Variants in KIAA0930 observed in about 807,000 individuals in gnomAD.
The protein encoded by KIAA0930 is KIAA0930, also known as uncharacterized protein KIAA0930.
KIAA0930 carries 24 observed loss-of-function variants against 43.9 expected under a neutral mutation model. The ratio of observed to expected loss-of-function variants is 0.55; its 90% CI spans 0.40 to 0.77. The LOEUF is 0.77. Ranked by LOEUF, KIAA0930 falls within the 30% of genes least tolerant of loss-of-function variation. The pLI is 0.00. For missense variants in KIAA0930, 461 were observed against 574.2 expected, an observed-to-expected ratio of 0.80 and a Z score of 2.02; for synonymous variants, 259 against 216.4, an observed-to-expected ratio of 1.20 and a Z score of -1.73.
chr22:45,234,791 T>C (rs940226360), intron 1 of KIAA0930, among the ~76,000 whole-genome samples: 6 of 152,242 alleles, frequency 3.9e-5, no homozygotes, highest in African/African-American at 9.6e-5. Context: ...CATTTAATGT[T>C]TGGAGTCTGA....
chr22:45,237,131 C>A (rs1191047851), intron 1 of KIAA0930, among the ~76,000 whole-genome samples: 1 of 152,270 alleles, frequency 6.6e-6, no homozygotes, highest in Non-Finnish European at 1.5e-5. Context: ...TGTCCCCCTT[C>A]AGTCCAAATG....
intron 1 of KIAA0930, among the ~76,000 whole-genome samples, chr22:45,220,551 T>C (rs1263223335): frequency 6.6e-6 from 1 of 152,178 alleles, no homozygotes; most frequent in Non-Finnish European, 1.5e-5. Context: ...GAAGGAGCAT[T>C]CAATCAAATT....
intron 1 of KIAA0930, among the ~76,000 whole-genome samples, chr22:45,224,048 C>T (rs140308294): frequency 2.6e-5 from 4 of 152,184 alleles, no homozygotes; most frequent in Non-Finnish European, 5.9e-5. Flanking sequence ...TCATTAAGAA[C>T]CTTCTCAAAC....
chr22:45,223,187 T>TCA (rs1170299430), intron 1 of KIAA0930, among the ~76,000 whole-genome samples: 1 of 152,174 alleles, frequency 6.6e-6, no homozygotes, highest in Non-Finnish European at 1.5e-5. Context: ...TATAAGACAT[T>TCA]CACAGAACAG....
chr22:45,231,904 T>C (rs945214294), intron 1 of KIAA0930, among the ~76,000 whole-genome samples: 1 of 152,124 alleles, frequency 6.6e-6, no homozygotes, highest in Non-Finnish European at 1.5e-5. Context: ...GGCAGGAGAA[T>C]GGCGTGAACC....
intron 1 of KIAA0930, among the ~76,000 whole-genome samples, chr22:45,225,392 G>A (rs774636426): frequency 2.0e-5 from 3 of 152,136 alleles, no homozygotes; most frequent in Admixed American, 2.0e-4. Flanking sequence ...GGAAGCGTGG[G>A]GTCTCCACGT....
chr22:45,225,904 C>T (rs1477406758), intron 1 of KIAA0930, among the ~76,000 whole-genome samples: 1 of 152,262 alleles, frequency 6.6e-6, no homozygotes, highest in Non-Finnish European at 1.5e-5. Flanking sequence ...AGCGCCTGGT[C>T]TGCAGTCAGG....
chr22:45,214,012 G>GAAAT (rs1279240145), intron 1 of KIAA0930, among the ~76,000 whole-genome samples: 3 of 149,888 alleles, frequency 2.0e-5, no homozygotes, highest in Admixed American at 6.7e-5. Flanking sequence ...CTCCATCTCG[G>GAAAT]AAATAAATAA....
At position 45,205,908 on chromosome 22, in the gene KIAA0930, G is replaced by T; in HGVS notation, c.221C>A (p.Ala74Asp). ...SESGADGRKA[A>D]EPEVEVEVYR... ...CACCTCCACCTCCACCTCAGGCTCA[G>T]CTGCCTGCGAGGCCCAGAGCAGAAG... The change falls in exon 3 of 10, where the codon GCT (alanine) becomes GAT (aspartate). Residue 74 changes from alanine to aspartate, a missense_variant. Physicochemically the swap from Ala to Asp is moderately radical, Grantham distance 126. Transcript: ENST00000336156. The T allele has an allele frequency of 6.2e-7, 1 of 1,613,038 alleles. No individual in the cohort carries two copies.
chr22:45,228,850 CTTCA>C, intron 1 of KIAA0930, among the ~76,000 whole-genome samples: 1 of 104,098 alleles, frequency 9.6e-6, no homozygotes, highest in Admixed American at 8.7e-5. Flanking sequence ...AAAGATCCCT[CTTCA>C]CCCCCCAACC....
At chr22:45,222,657 A>G (rs1238100128) in intron 1 of KIAA0930, among the ~76,000 whole-genome samples, 1 of 123,434 alleles carries the variant, frequency 8.1e-6, no homozygotes, top group Non-Finnish European at 1.7e-5. Flanking sequence ...CCGCCCCCCC[A>G]CCACCACACA....
chr22:45,197,691 A>G, intron 9 of KIAA0930, 99 bp downstream of exon 9: 9 of 1,299,304 alleles, frequency 6.9e-6, no homozygotes, highest in Non-Finnish European at 8.8e-6. Flanking sequence ...CCGACAGGAC[A>G]GGGCGGGATG....
chr22:45,237,654 A>G lies in KIAA0930; in HGVS notation c.64+2986T>C, dbSNP rs765391051. On this transcript the variant is annotated intron_variant, in intron 1 of 9. Coordinates refer to ENST00000336156, the MANE Select transcript of KIAA0930 (RefSeq NM_001009880.2). The stretch of plus-strand genomic sequence containing the variant: ...TTTCTGAGTAACCCAAGCTTTTGCT[A>G]AACAACAACAAAAATCTGGGAGATT... 3.3e-5 allele frequency among the ~76,000 whole-genome samples: 5 copies of G among 152,230 alleles called. No individual in the cohort carries two copies. In the East Asian group the frequency reaches 5.8e-4, roughly 18 times the overall value.
intron 2 of KIAA0930, among the ~76,000 whole-genome samples, chr22:45,206,519 G>A (rs920085112): frequency 4.6e-5 from 7 of 152,190 alleles, no homozygotes; most frequent in South Asian, 2.1e-4. Context: ...AGCTCTTAGT[G>A]GACGGCGGGG....
intron 1 of KIAA0930, among the ~76,000 whole-genome samples, chr22:45,215,347 T>G (rs1374619707): frequency 6.6e-6 from 1 of 152,214 alleles, no homozygotes; most frequent in Admixed American, 6.5e-5. Flanking sequence ...AAGGGTGCAT[T>G]GAACTGGAAC....
chr22:45,198,365 TG>T (rs2083556230), intron 8 of KIAA0930, among the ~76,000 whole-genome samples: 2 of 152,350 alleles, frequency 1.3e-5, no homozygotes, highest in African/African-American at 4.8e-5. Flanking sequence ...CGGTCCAGGC[TG>T]GGGGAACCTG....
In KIAA0930 at chr22:45,196,892, C is replaced by A; in HGVS notation, c.*284G>T. The A allele has an allele frequency of 2.3e-6, 1 of 426,632 alleles. No homozygotes were observed. The allele number at this position is 426,632 out of a possible 1,614,324, so 26.4% of individuals were successfully genotyped here. A position where few individuals can be genotyped will look rare whatever the true frequency, so the allele number is the denominator to read the frequency against. Reference sequence around the variant, plus strand: ...TCCGCTCTCTCTCATGGCCGCTCGGCATCTCTAGTCCTCTTTGGGTGCAGA... The same window carrying A: ...TCCGCTCTCTCTCATGGCCGCTCGGAATCTCTAGTCCTCTTTGGGTGCAGA... On this transcript the variant is annotated 3_prime_UTR_variant, in exon 10 of 10. Coordinates refer to ENST00000336156, the MANE Select transcript of KIAA0930 (RefSeq NM_001009880.2). The surrounding 1 kb of genome is among the most constrained non-coding windows in gnomAD (Gnocchi z 4.1).
At chr22:45,234,347 G>A (rs541454346) in intron 1 of KIAA0930, among the ~76,000 whole-genome samples, 2 of 151,062 alleles carry the variant, frequency 1.3e-5, no homozygotes, top group African/African-American at 2.4e-5. Context: ...ACGCCAGGGG[G>A]AGAGCTCTCA....
rs905528034 is a variant in KIAA0930, at chr22:45,213,482, G to A, written c.65-1375C>T. ...ACTGGCAAGACCTCCCAGGCTCACA[G>A]GACCCGGGGGAACGAAACACGCGTG... On this transcript the variant is annotated intron_variant, in intron 1 of 9. Coordinates refer to ENST00000336156, the MANE Select transcript of KIAA0930 (RefSeq NM_001009880.2). 8.3e-6 allele frequency: 10 copies of A among 1,201,794 alleles called. No homozygotes were observed. In the African/African-American group the frequency reaches 1.6e-4, roughly 19 times the overall value. 74.4% of individuals were successfully genotyped at this position (1,201,794 alleles called of 1,614,324 possible).
Sources: gnomAD v4.1 joint callset for allele counts (sites outside exome capture counted in the v4.1 genomes callset) on GRCh38, gnomAD v4.1.1 for gene constraint, Gnocchi (gnomAD v3.1) non-coding constraint, MANE v1.5 for transcripts, NCBI Gene and HGNC (gene_info 2026-07-23, HGNC 2026-07-21) for gene names.